Variants in PRKG1 observed in about 807,000 individuals in gnomAD.
The protein encoded by PRKG1 is cGMP-dependent protein kinase 1.
A neutral mutation model predicts 88.1 loss-of-function variants in PRKG1; 35 were observed. The ratio of observed to expected loss-of-function variants is 0.40; its 90% CI spans 0.30 to 0.53. The LOEUF (loss-of-function observed/expected upper bound fraction) is 0.53, where lower values mean the gene tolerates loss of function less well. Ranked by LOEUF, PRKG1 falls within the 20% of genes least tolerant of loss-of-function variation. The pLI is 0.59. For missense variants in PRKG1, 540 were observed against 839.8 expected, an observed-to-expected ratio of 0.64 and a Z score of 4.41; for synonymous variants, 303 against 292.5, an observed-to-expected ratio of 1.04 and a Z score of -0.37.
intron 5 of PRKG1, among the ~76,000 whole-genome samples, chr10:52,033,950 C>A (rs10823983): frequency 7.0e-6 from 1 of 141,872 alleles, no homozygotes; most frequent in Admixed American, 7.2e-5. Flanking sequence ...TGGCAGGCAG[C>A]AGTGGGGGTC....
rs557845299 is a variant in PRKG1, at chr10:52,139,775, G to A, written c.1001+5870G>A. ...TGATCACTAAACTGCCTGGTAGGTT[G>A]CATTAAGTGTGGGAGTTTTATCTTC... On this transcript the variant is annotated intron_variant, in intron 8 of 17. Transcript: ENST00000373980. 9.0e-4 allele frequency among the ~76,000 whole-genome samples: 137 copies of A among 152,202 alleles called. 4 individuals are homozygous for A. In the South Asian group the frequency reaches 0.028, roughly 31 times the overall value.
chr10:51,535,502 A>G (rs1842122877), intron 3 of PRKG1, among the ~76,000 whole-genome samples: 2 of 152,228 alleles, frequency 1.3e-5, no homozygotes, highest in Non-Finnish European at 2.9e-5. Context: ...GATCTGATTC[A>G]CATCAAACAA....
At chr10:51,560,802 G>T (rs1422936880) in intron 3 of PRKG1, among the ~76,000 whole-genome samples, 2 of 151,994 alleles carry the variant, frequency 1.3e-5, no homozygotes, top group Admixed American at 6.6e-5. Flanking sequence ...ATGATTTTGT[G>T]ATTCAATACA....
chr10:51,788,698 C>T (rs1187797453), intron 3 of PRKG1, among the ~76,000 whole-genome samples: 3 of 152,126 alleles, frequency 2.0e-5, no homozygotes, highest in Non-Finnish European at 4.4e-5. Flanking sequence ...TTAGTGAGAA[C>T]TTGAAAGGGT....
At chr10:51,804,820 A>G in intron 4 of PRKG1, 130 bp downstream of exon 4, 2 of 631,068 alleles carry the variant, frequency 3.2e-6, no homozygotes, top group Non-Finnish European at 5.5e-6. Flanking sequence ...AAATGTGTAG[A>G]GATGTAAGAC....
At chr10:51,473,834 GCTCCCA>G (rs1840118955) in intron 3 of PRKG1, among the ~76,000 whole-genome samples, 1 of 151,480 alleles carries the variant, frequency 6.6e-6, no homozygotes, top group African/African-American at 2.4e-5. Flanking sequence ...ACCATAAGAA[GCTCCCA>G]CACATGTAAA....
intron 2 of PRKG1, among the ~76,000 whole-genome samples, chr10:51,155,532 C>T (rs962836551): frequency 7.9e-5 from 12 of 152,036 alleles, no homozygotes; most frequent in African/African-American, 2.9e-4. Flanking sequence ...TATACCCAGG[C>T]TATTTGGATT....
intron 1 of PRKG1, among the ~76,000 whole-genome samples, chr10:51,015,792 C>A (rs991320922): frequency 3.3e-5 from 5 of 152,128 alleles, no homozygotes; most frequent in Non-Finnish European, 4.4e-5. Context: ...GAGGCTCAGG[C>A]AGGAGAATCG....
chr10:51,346,551 A>G (rs1842117770), intron 2 of PRKG1, among the ~76,000 whole-genome samples: 1 of 152,220 alleles, frequency 6.6e-6, no homozygotes, highest in Admixed American at 6.5e-5. Context: ...GTTACTTTTT[A>G]TACTAAAATC....
chr10:51,993,036 T>C (rs945222115), intron 5 of PRKG1, among the ~76,000 whole-genome samples: 1 of 152,192 alleles, frequency 6.6e-6, no homozygotes, highest in African/African-American at 2.4e-5. Flanking sequence ...GCATTCTTTA[T>C]AGTTGCCATC....
chr10:51,195,203 G>A (rs998917705), intron 2 of PRKG1, among the ~76,000 whole-genome samples: 1 of 152,156 alleles, frequency 6.6e-6, no homozygotes, highest in Non-Finnish European at 1.5e-5. Flanking sequence ...TGATTCTTAG[G>A]CTGATTAGCC....
rs188792870 is a variant in PRKG1 at position 51,756,543 on chromosome 10, C to T, written c.593-48042C>T. Among the ~76,000 whole-genome samples the T allele has an allele frequency of 3.7e-4, 56 of 149,920 alleles. No individual in the cohort carries two copies. In the East Asian group the frequency reaches 9.9e-3, roughly 27 times the overall value. On this transcript the variant is annotated intron_variant, in intron 3 of 17. Transcript: ENST00000373980. ...TTAAAAATAAAAAGTAGGCTGGGCA[C>T]GGTGGCTCATGCCTGTAATCCCAGC...
At chr10:51,702,819 C>T (rs1278533382) in intron 3 of PRKG1, among the ~76,000 whole-genome samples, 1 of 152,072 alleles carries the variant, frequency 6.6e-6, no homozygotes, top group Non-Finnish European at 1.5e-5. Context: ...GCCTTAGCCT[C>T]CCGAGTAAAG....
chr10:52,123,994 C>G (rs1453265538), intron 7 of PRKG1, among the ~76,000 whole-genome samples: 1 of 152,052 alleles, frequency 6.6e-6, no homozygotes, highest in Non-Finnish European at 1.5e-5. Flanking sequence ...CTAATTCAAG[C>G]TATTGTATAT....
chr10:51,328,572 T>G (rs1841652188), intron 2 of PRKG1, among the ~76,000 whole-genome samples: 1 of 152,236 alleles, frequency 6.6e-6, no homozygotes, highest in Non-Finnish European at 1.5e-5. Context: ...TTTTAACTTT[T>G]TGAAGAAACT....
chr10:51,726,917 C>T (rs1416093649), intron 3 of PRKG1, among the ~76,000 whole-genome samples: 1 of 151,854 alleles, frequency 6.6e-6, no homozygotes, highest in Non-Finnish European at 1.5e-5. Context: ...GCTGGGACTA[C>T]AGGCACCCGC....
chr10:51,869,659 A>T (rs1182147663), intron 4 of PRKG1, among the ~76,000 whole-genome samples: 1 of 152,160 alleles, frequency 6.6e-6, no homozygotes, highest in East Asian at 1.9e-4. Flanking sequence ...AACAAACAAC[A>T]TTATGTGCAT....
chr10:51,286,445 T>C (rs910458043), intron 2 of PRKG1, among the ~76,000 whole-genome samples: 1 of 152,250 alleles, frequency 6.6e-6, no homozygotes, highest in Non-Finnish European at 1.5e-5. Flanking sequence ...ATAACATTTA[T>C]TTCTTGCACC....
Position 51,858,562 on chromosome 10 carries a change from A to G in PRKG1, c.699-48945A>G, listed in dbSNP as rs1468733693. On this transcript the variant is annotated intron_variant, in intron 4 of 17. Coordinates refer to ENST00000373980, the MANE Select transcript of PRKG1 (RefSeq NM_006258.4). ...GGCATGAACATATTGCAGATTCTAA[A>G]AAAAAAACCCTATTAAAACATTTTG... 2.0e-5 allele frequency among the ~76,000 whole-genome samples: 3 copies of G among 148,546 alleles called. No homozygotes were observed. In the Admixed American group the frequency reaches 2.1e-4, roughly 10 times the overall value.
Sources: gnomAD v4.1 joint callset for allele counts (sites outside exome capture counted in the v4.1 genomes callset) on GRCh38, gnomAD v4.1.1 for gene constraint, MANE v1.5 for transcripts, NCBI Gene and HGNC (gene_info 2026-07-23, HGNC 2026-07-21) for gene names.